Variants in HS2ST1 observed in about 807,000 individuals in gnomAD.
The protein encoded by HS2ST1 is heparan sulfate 2-O-sulfotransferase 1, also known as 2-O-sulfotransferase.
In HS2ST1, 18 loss-of-function variants were observed where a neutral mutation model predicts 42.9. The ratio of observed to expected loss-of-function variants is 0.42; its 90% CI spans 0.29 to 0.62. The LOEUF (loss-of-function observed/expected upper bound fraction) is 0.62. Among genes scored for constraint, HS2ST1 ranks in the 20% least tolerant of loss-of-function variants. The pLI is 0.21. For synonymous variants in HS2ST1, 146 were observed against 152.9 expected, an observed-to-expected ratio of 0.95 and a Z score of 0.33; for missense variants, 334 against 433.8, an observed-to-expected ratio of 0.77 and a Z score of 2.04.
At chr1:86,992,662 A>T (rs545071869) in intron 1 of HS2ST1, among the ~76,000 whole-genome samples, 12 of 152,134 alleles carry the variant, frequency 7.9e-5, no homozygotes, top group Non-Finnish European at 1.6e-4. Context: ...GCACCTGGCA[A>T]ATTTTTTGTT....
chr1:87,091,106 C>G (rs926456597), intron 3 of HS2ST1, among the ~76,000 whole-genome samples: 2 of 151,848 alleles, frequency 1.3e-5, no homozygotes, highest in Non-Finnish European at 2.9e-5. Flanking sequence ...AATGTTAGCT[C>G]TAGAAGGACA....
chr1:86,990,448 T>G (rs972315664), intron 1 of HS2ST1, among the ~76,000 whole-genome samples: 1 of 152,120 alleles, frequency 6.6e-6, no homozygotes, highest in African/African-American at 2.4e-5. Flanking sequence ...TTTGATCAGC[T>G]TAGCCAGTGA....
At chr1:87,089,328 G>A (rs1651884722) in intron 3 of HS2ST1, among the ~76,000 whole-genome samples, 1 of 152,050 alleles carries the variant, frequency 6.6e-6, no homozygotes, top group East Asian at 1.9e-4. Flanking sequence ...ATATCTTTTC[G>A]TTTCTGATTT....
chr1:87,091,898 T>C (rs999723355), intron 3 of HS2ST1, among the ~76,000 whole-genome samples: 3 of 152,054 alleles, frequency 2.0e-5, no homozygotes, highest in African/African-American at 4.8e-5. Flanking sequence ...AAACCTAGTG[T>C]CTTTCACCTC....
At chr1:86,995,390 C>G (rs1570471587) in intron 1 of HS2ST1, among the ~76,000 whole-genome samples, 1 of 152,094 alleles carries the variant, frequency 6.6e-6, no homozygotes, top group African/African-American at 2.4e-5. Flanking sequence ...ATTATTTTCA[C>G]TCTGTGATAT....
chr1:87,042,890 CT>C (rs1400186266), intron 1 of HS2ST1, among the ~76,000 whole-genome samples: 1 of 152,034 alleles, frequency 6.6e-6, no homozygotes, highest in Non-Finnish European at 1.5e-5. Context: ...TGTTTACGAG[CT>C]TTACACCACA....
intron 1 of HS2ST1, among the ~76,000 whole-genome samples, chr1:86,986,056 T>TA (rs397811173): frequency 6.6e-5 from 10 of 150,664 alleles, no homozygotes; most frequent in East Asian, 1.9e-4. Context: ...TTTTTTTTTT[T>TA]AATCTCCCAC....
chr1:87,068,006 T>C (rs1018960691), intron 1 of HS2ST1, among the ~76,000 whole-genome samples: 1 of 152,204 alleles, frequency 6.6e-6, no homozygotes, highest in Non-Finnish European at 1.5e-5. Context: ...GCGTGATGCC[T>C]CCAGCTTTGT....
At chr1:87,103,043 C>A (rs1305716810) in intron 5 of HS2ST1, among the ~76,000 whole-genome samples, 2 of 152,168 alleles carry the variant, frequency 1.3e-5, no homozygotes, top group Non-Finnish European at 2.9e-5. Context: ...ACACAATAAG[C>A]AGTAAACACA....
intron 1 of HS2ST1, among the ~76,000 whole-genome samples, chr1:86,986,312 T>C (rs1035169761): frequency 5.3e-5 from 8 of 152,180 alleles, no homozygotes; most frequent in Middle Eastern, 3.2e-3. Flanking sequence ...AGTTATACTT[T>C]GTCAGCTTCA....
chr1:87,000,044 CTG>C (rs1490679384), intron 1 of HS2ST1, among the ~76,000 whole-genome samples: 1 of 151,358 alleles, frequency 6.6e-6, no homozygotes, highest in Admixed American at 6.6e-5. Flanking sequence ...TTTTTTGTTT[CTG>C]TGTTTTCAGT....
chr1:87,084,431 T>G (rs1651766824), intron 3 of HS2ST1, 152 bp downstream of exon 3: 1 of 540,240 alleles, frequency 1.9e-6, no homozygotes, highest in African/African-American at 1.9e-5. Context: ...TATACCTTCT[T>G]AGTGTTTTAC....
At chr1:87,051,958 AT>A (rs1650844554) in intron 1 of HS2ST1, among the ~76,000 whole-genome samples, 1 of 152,238 alleles carries the variant, frequency 6.6e-6, no homozygotes, top group African/African-American at 2.4e-5. Flanking sequence ...GCTGTAAAAT[AT>A]AAAAAGTTTT....
intron 1 of HS2ST1, among the ~76,000 whole-genome samples, chr1:86,987,068 G>GTTTT (rs11423322): frequency 1.2e-4 from 14 of 117,224 alleles, no homozygotes; most frequent in South Asian, 2.8e-4. Flanking sequence ...TGATAGCCAG[G>GTTTT]TTTTTTTTTT....
intron 1 of HS2ST1, among the ~76,000 whole-genome samples, chr1:86,937,465 CTTAT>C (rs932406774): frequency 1.3e-5 from 2 of 152,074 alleles, no homozygotes. Context: ...TGCATTCTTT[CTTAT>C]TTGTGATAAC....
At chr1:86,932,111 T>C (rs1660556423) in intron 1 of HS2ST1, 1 of 152,124 alleles carries the variant, frequency 6.6e-6, no homozygotes. Flanking sequence ...TTGAGTATTA[T>C]AAGTTATGGT....
intron 1 of HS2ST1, among the ~76,000 whole-genome samples, chr1:86,982,696 G>T (rs1391235889): frequency 6.6e-6 from 1 of 151,902 alleles, no homozygotes; most frequent in African/African-American, 2.4e-5. Context: ...TTGTATTTTT[G>T]TTAGAGATGG....
At chr1:87,046,429 A>C in intron 1 of HS2ST1, 1 of 899,682 alleles carries the variant, frequency 1.1e-6, no homozygotes, top group Non-Finnish European at 1.9e-6. Flanking sequence ...AGCCAGAGCT[A>C]GAACATTCTA....
intron 1 of HS2ST1, among the ~76,000 whole-genome samples, chr1:86,923,016 A>T (rs1660332868): frequency 6.6e-6 from 1 of 151,334 alleles, no homozygotes; most frequent in Non-Finnish European, 1.5e-5. Flanking sequence ...CATCATTCTC[A>T]GTCTTTTTGT....
Sources: gnomAD v4.1 joint callset for allele counts (sites outside exome capture counted in the v4.1 genomes callset) on GRCh38, gnomAD v4.1.1 for gene constraint, MANE v1.5 for transcripts, NCBI Gene and HGNC (gene_info 2026-07-23, HGNC 2026-07-21) for gene names.